Variants in ADARB1 observed in about 807,000 individuals in gnomAD.
ADARB1 encodes the protein adenosine deaminase RNA specific B1, also known as double-stranded RNA-specific editase 1.
Under a neutral mutation model 52.4 loss-of-function variants are expected in ADARB1, and 10 were observed. That is an observed-to-expected ratio of 0.19 (90% confidence interval 0.12 to 0.32). The LOEUF (loss-of-function observed/expected upper bound fraction) is 0.32, where lower values mean the gene tolerates loss of function less well. Among genes scored for constraint, ADARB1 ranks in the 10% least tolerant of loss-of-function variants. The pLI, the probability that ADARB1 is intolerant of heterozygous loss-of-function variation, is 1.00. For missense variants in ADARB1, 643 were observed against 922.3 expected (o/e 0.70, Z 3.92); for synonymous variants, 349 against 371.1 (o/e 0.94, Z 0.68).
intron 2 of ADARB1, among the ~76,000 whole-genome samples, chr21:45,156,742 C>A (rs1216718437): frequency 6.6e-6 from 1 of 152,138 alleles, no homozygotes; most frequent in Non-Finnish European, 1.5e-5. Flanking sequence ...TGCATGCTGG[C>A]ACCAGGGGTT....
Position 45,225,337 on chromosome 21 carries a change from T to G in ADARB1, c.*3140T>G. ...CGCCAAAGAACTGCAGTTTTTATTCTGAGTCTTAATTTAACTTTTCATCAT... is the reference window on the plus strand; with the variant it reads ...CGCCAAAGAACTGCAGTTTTTATTCGGAGTCTTAATTTAACTTTTCATCAT... On this transcript the variant is annotated 3_prime_UTR_variant, in exon 11 of 11. Coordinates refer to ENST00000348831, the MANE Select transcript of ADARB1 (RefSeq NM_001112.4). 8.2e-7 allele frequency: 1 copy of G among 1,225,840 alleles called. No homozygotes were observed. Among genetic ancestry groups the G allele is most frequent in the Non-Finnish European group, 1.0e-6 (1 of 984,066 alleles). The allele number at this position is 1,225,840 out of a possible 1,614,324, so 75.9% of individuals were successfully genotyped here.
intron 2 of ADARB1, among the ~76,000 whole-genome samples, chr21:45,148,328 C>T (rs142437517): frequency 6.6e-6 from 1 of 152,222 alleles, no homozygotes; most frequent in Non-Finnish European, 1.5e-5. Flanking sequence ...CCGTGGGTGT[C>T]AGGCTGGCCC....
rs533361631 is a variant in ADARB1, at chr21:45,157,486, G to A, written c.-47-14124G>A. On this transcript the variant is annotated intron_variant, in intron 2 of 10. Transcript: ENST00000348831. This position sits in a 1 kb window ranked among gnomAD's most constrained non-coding sequence, Gnocchi z 4.1. Reference sequence around the variant, plus strand: ...CTGCTGCGTTTGCACTGTGAAGGACGGAGCAACTTCACGAAGGCAGGGCCC... The same window carrying A: ...CTGCTGCGTTTGCACTGTGAAGGACAGAGCAACTTCACGAAGGCAGGGCCC... Among the ~76,000 whole-genome samples the A allele has an allele frequency of 9.9e-5, 15 of 152,078 alleles. No individual in the cohort carries two copies. In the South Asian group the frequency reaches 1.9e-3, roughly 19 times the overall value.
chr21:45,133,878 G>A (rs368103251), intron 2 of ADARB1, among the ~76,000 whole-genome samples: 4,647 of 125,042 alleles, frequency 0.037, 161 homozygotes, highest in East Asian at 0.092. Context: ...GTGTGTGCCC[G>A]ACAGTGGTGT....
Position 45,171,681 on chromosome 21 carries a change from ATGAG to A in ADARB1, c.27_28+2del. The A allele has an allele frequency of 6.2e-7, 1 of 1,613,330 alleles. No homozygotes were observed. Among genetic ancestry groups the A allele is most frequent in the Non-Finnish European group, 8.5e-7 (1 of 1,179,636 alleles). ...CATGGATATAGAAGATGAAGAAAACATGAGTAAGATCTAGGCCTATCACGTAGTA... is the reference window on the plus strand; with the variant it reads ...CATGGATATAGAAGATGAAGAAAACATAAGATCTAGGCCTATCACGTAGTA... On this transcript the variant is annotated splice_donor_variant and coding_sequence_variant, in exon 3 of 11. Coordinates refer to ENST00000348831, the MANE Select transcript of ADARB1 (RefSeq NM_001112.4). LOFTEE classifies it high-confidence loss of function.
chr21:45,117,950 A>T (rs1218041482), intron 1 of ADARB1, among the ~76,000 whole-genome samples: 2 of 152,238 alleles, frequency 1.3e-5, no homozygotes, highest in Non-Finnish European at 2.9e-5. Context: ...GTGGAAGTCA[A>T]CAGTGCCTTC....
At chr21:45,160,271 C>T (rs1422838023) in intron 2 of ADARB1, among the ~76,000 whole-genome samples, 2 of 152,250 alleles carry the variant, frequency 1.3e-5, no homozygotes, top group Non-Finnish European at 2.9e-5. Flanking sequence ...CCTCGTAGAG[C>T]TGGACCGAAG....
At chr21:45,130,346 GA>G (rs1483522258) in intron 2 of ADARB1, among the ~76,000 whole-genome samples, 1 of 152,072 alleles carries the variant, frequency 6.6e-6, no homozygotes, top group African/African-American at 2.4e-5. Flanking sequence ...TAAAAGCATA[GA>G]AAAAATAATC....
chr21:45,157,739 G>A lies in ADARB1; in HGVS notation c.-47-13871G>A, dbSNP rs1872814060. Among the ~76,000 whole-genome samples the A allele has an allele frequency of 6.6e-6, 1 of 152,206 alleles. No individual in the cohort carries two copies. The highest frequency in any genetic ancestry group is 2.4e-5 in the African/African-American group (1 of 41,442). On this transcript the variant is annotated intron_variant, in intron 2 of 10. Transcript: ENST00000348831. The surrounding 1 kb of genome is among the most constrained non-coding windows in gnomAD (Gnocchi z 4.1). ...AGAGGGACAAGAAGGGCCAGGGCTT[G>A]TGACCACATCAGAAGCAAGGGTGAT...
At position 45,098,204 on chromosome 21, in the gene ADARB1, G is replaced by C. The variant is rs993875695; in HGVS notation, c.-220+23411G>C. ...TTGCAGGCTCCACGGACCCACCAGG[G>C]CATCTGGAATACAACTGTGACTTCC... is the stretch of plus-strand genomic sequence containing the variant. On this transcript the variant is annotated intron_variant, in intron 1 of 10. Transcript: ENST00000348831. Among the ~76,000 whole-genome samples, 3 of 152,136 alleles carry C rather than the reference G, an allele frequency of 2.0e-5. No individual in the cohort carries two copies. The South Asian group carries it at 6.2e-4, about 32-fold the overall frequency.
intron 5 of ADARB1, among the ~76,000 whole-genome samples, chr21:45,181,066 G>T (rs972728907): frequency 4.6e-5 from 7 of 152,322 alleles, no homozygotes; most frequent in African/African-American, 1.7e-4. Context: ...GGTGGAGCAA[G>T]ACTCAGGGAG....
At chr21:45,147,580 G>A (rs930783787) in intron 2 of ADARB1, among the ~76,000 whole-genome samples, 4 of 152,168 alleles carry the variant, frequency 2.6e-5, no homozygotes, top group South Asian at 2.1e-4. Context: ...TTTTCCACAC[G>A]CCTCTTTTAC....
intron 2 of ADARB1, among the ~76,000 whole-genome samples, chr21:45,151,192 G>T (rs1292114104): frequency 6.6e-6 from 1 of 152,156 alleles, no homozygotes; most frequent in Non-Finnish European, 1.5e-5. Flanking sequence ...GTCAGGGGTG[G>T]CTGAACTCTG....
chr21:45,152,904 A>G (rs555095887), intron 2 of ADARB1, among the ~76,000 whole-genome samples: 1 of 152,350 alleles, frequency 6.6e-6, no homozygotes, highest in South Asian at 2.1e-4. Flanking sequence ...GGAAGATTCA[A>G]AAACATGTCT....
At chr21:45,215,015 CATTAGGTA>C (rs1402867086) in intron 9 of ADARB1, among the ~76,000 whole-genome samples, 1 of 152,116 alleles carries the variant, frequency 6.6e-6, no homozygotes, top group Non-Finnish European at 1.5e-5. Flanking sequence ...AGTCTTTCAC[CATTAGGTA>C]TGATGTTGGC....
chr21:45,113,425 AAAC>A (rs1173811615), intron 1 of ADARB1, among the ~76,000 whole-genome samples: 3 of 152,080 alleles, frequency 2.0e-5, no homozygotes, highest in African/African-American at 7.2e-5. Flanking sequence ...TCTGTCTCAA[AAAC>A]AAAACAAAAC....
At chr21:45,160,913 A>G (rs1202409469) in intron 2 of ADARB1, among the ~76,000 whole-genome samples, 1 of 152,280 alleles carries the variant, frequency 6.6e-6, no homozygotes, top group African/African-American at 2.4e-5. Context: ...TTGAAACATG[A>G]CTGAAAATAT....
At chr21:45,075,397 G>T (rs1403017879) in intron 1 of ADARB1, among the ~76,000 whole-genome samples, 1 of 151,636 alleles carries the variant, frequency 6.6e-6, no homozygotes, top group Non-Finnish European at 1.5e-5. Flanking sequence ...CTTGGGAGGG[G>T]ACGCTGTGCC....
chr21:45,205,321 G>T (rs1388899239), intron 9 of ADARB1, among the ~76,000 whole-genome samples: 1 of 152,188 alleles, frequency 6.6e-6, no homozygotes, highest in Non-Finnish European at 1.5e-5. Flanking sequence ...TTATGACTGG[G>T]CTGGGCACCT....
Sources: allele counts gnomAD v4.1 joint callset (sites outside exome capture counted in the v4.1 genomes callset), GRCh38; gene constraint gnomAD v4.1.1; non-coding constraint Gnocchi (gnomAD v3.1); transcripts MANE v1.5; gene names NCBI Gene and HGNC (gene_info 2026-07-23, HGNC 2026-07-21).